The following COX7B2 variants were observed in gnomAD, a reference collection of about 807,000 sequenced individuals.
The protein encoded by COX7B2 is cytochrome c oxidase subunit 7B2, mitochondrial.
For missense variants in COX7B2, 109 were observed against 95.9 expected, an observed-to-expected ratio of 1.14 and a Z score of -0.57; for synonymous variants, 37 against 32.1, an observed-to-expected ratio of 1.15 and a Z score of -0.51.
intron 2 of COX7B2, among the ~76,000 whole-genome samples, chr4:46,762,098 T>C (rs533278918): frequency 6.1e-5 from 9 of 147,866 alleles, no homozygotes; most frequent in Admixed American, 1.4e-4. Flanking sequence ...ATGAAGATAA[T>C]AACACCTATT....
At chr4:46,761,195 A>C (rs1377108075) in intron 2 of COX7B2, among the ~76,000 whole-genome samples, 1 of 152,162 alleles carries the variant, frequency 6.6e-6, no homozygotes, top group African/African-American at 2.4e-5. Context: ...AGCTTTTAAA[A>C]GGATGCTATG....
At chr4:46,744,878 C>T (rs532290627) in intron 2 of COX7B2, among the ~76,000 whole-genome samples, 1 of 151,388 alleles carries the variant, frequency 6.6e-6, no homozygotes, top group Non-Finnish European at 1.5e-5. Context: ...TACAGGCGCA[C>T]GCTGGCACGC....
intron 1 of COX7B2, among the ~76,000 whole-genome samples, chr4:46,903,359 C>A (rs989084415): frequency 6.6e-6 from 1 of 152,090 alleles, no homozygotes; most frequent in Non-Finnish European, 1.5e-5. Context: ...AACAACATTT[C>A]GGTCAATGAT....
intron 2 of COX7B2, among the ~76,000 whole-genome samples, chr4:46,798,194 A>G (rs1185563362): frequency 6.6e-6 from 1 of 152,176 alleles, no homozygotes; most frequent in Non-Finnish European, 1.5e-5. Flanking sequence ...CTAGGAGTCT[A>G]GTGGTATGGG....
chr4:46,771,397 C>T (rs1716869413), intron 2 of COX7B2, among the ~76,000 whole-genome samples: 2 of 152,178 alleles, frequency 1.3e-5, no homozygotes, highest in Admixed American at 1.3e-4. Flanking sequence ...TTATGGAAAA[C>T]ACTATGGAGA....
chr4:46,738,842 C>G (rs1714530326), intron 2 of COX7B2, among the ~76,000 whole-genome samples: 1 of 151,992 alleles, frequency 6.6e-6, no homozygotes, highest in African/African-American at 2.4e-5. Context: ...TTCCCTCATG[C>G]CCATGGCAGT....
At chr4:46,898,705 G>T (rs915052027) in intron 1 of COX7B2, among the ~76,000 whole-genome samples, 1 of 152,070 alleles carries the variant, frequency 6.6e-6, no homozygotes, top group South Asian at 2.1e-4. Flanking sequence ...GATTACAAGC[G>T]TGAGCCACCG....
rs1715231356 is a variant in COX7B2 at position 46,749,671 on chromosome 4, A to C, written c.-49-14430T>G. On this transcript the variant is annotated intron_variant, in intron 2 of 2. Transcript: ENST00000355591. ...GATGTACCTGTCACATAATTATAGA[A>C]GTATAAACCAGAGGGTGTGTTAATT... is the stretch of plus-strand genomic sequence containing the variant. Among the ~76,000 whole-genome samples the C allele has an allele frequency of 3.9e-5, 6 of 152,342 alleles. No individual in the cohort carries two copies. The South Asian group carries it at 1.2e-3, about 32-fold the overall frequency.
chr4:46,840,520 G>C (rs1384218518), intron 2 of COX7B2, among the ~76,000 whole-genome samples: 1 of 151,960 alleles, frequency 6.6e-6, no homozygotes, highest in Non-Finnish European at 1.5e-5. Flanking sequence ...GAGCATACAT[G>C]AAGTCAACTA....
At chr4:46,903,988 A>G (rs1271330977) in intron 1 of COX7B2, 4 of 152,210 alleles carry the variant, frequency 2.6e-5, no homozygotes, top group Non-Finnish European at 5.9e-5. Flanking sequence ...TCCTAGCTAC[A>G]TTGTAAAGAG....
intron 2 of COX7B2, among the ~76,000 whole-genome samples, chr4:46,817,474 A>T (rs1414126319): frequency 6.6e-6 from 1 of 152,190 alleles, no homozygotes; most frequent in Non-Finnish European, 1.5e-5. Flanking sequence ...AATAAACTCA[A>T]ATATAAGCTG....
intron 2 of COX7B2, among the ~76,000 whole-genome samples, chr4:46,776,717 G>A (rs1717173381): frequency 6.6e-6 from 1 of 151,962 alleles, no homozygotes; most frequent in Non-Finnish European, 1.5e-5. Flanking sequence ...AGCTACAGAT[G>A]GAACAATAAG....
At chr4:46,751,231 C>T (rs1249677302) in intron 2 of COX7B2, among the ~76,000 whole-genome samples, 2 of 152,034 alleles carry the variant, frequency 1.3e-5, no homozygotes, top group Non-Finnish European at 2.9e-5. Context: ...GATATTTACA[C>T]TCTCTCATCT....
At chr4:46,743,869 C>A (rs1273714912) in intron 2 of COX7B2, among the ~76,000 whole-genome samples, 1 of 152,156 alleles carries the variant, frequency 6.6e-6, no homozygotes, top group African/African-American at 2.4e-5. Flanking sequence ...TCACTGTACT[C>A]ATTTCCAAAG....
intron 2 of COX7B2, among the ~76,000 whole-genome samples, chr4:46,819,230 C>T (rs1417145947): frequency 6.6e-6 from 1 of 152,072 alleles, no homozygotes; most frequent in Non-Finnish European, 1.5e-5. Flanking sequence ...GACTTCCCAA[C>T]CCACTCTCAT....
intron 1 of COX7B2, among the ~76,000 whole-genome samples, chr4:46,896,246 A>C (rs775305715): frequency 6.6e-5 from 10 of 152,160 alleles, no homozygotes; most frequent in Non-Finnish European, 1.5e-4. Context: ...GAGACTGTCT[A>C]ATGGGGAAAA....
chr4:46,873,676 T>C (rs1321194579), intron 1 of COX7B2, among the ~76,000 whole-genome samples: 1 of 152,236 alleles, frequency 6.6e-6, no homozygotes, highest in Admixed American at 6.5e-5. Context: ...TTACTATTTT[T>C]TTTAATTATT....
chr4:46,839,202 C>T (rs188901667), intron 2 of COX7B2, among the ~76,000 whole-genome samples: 1 of 152,118 alleles, frequency 6.6e-6, no homozygotes, highest in African/African-American at 2.4e-5. Flanking sequence ...AGCCCTCCCT[C>T]ATTGTGAATT....
chr4:46,803,843 TGAAGCTTTCTA>T (rs1272919332), intron 2 of COX7B2, among the ~76,000 whole-genome samples: 6 of 151,794 alleles, frequency 4.0e-5, no homozygotes, highest in African/African-American at 1.5e-4. Flanking sequence ...AAAATCAAAA[TGAAGCTTTCTA>T]GAGCAATCTT....
Sources: allele counts gnomAD v4.1 joint callset (sites outside exome capture counted in the v4.1 genomes callset), GRCh38; gene constraint gnomAD v4.1.1; transcripts MANE v1.5; gene names NCBI Gene and HGNC (gene_info 2026-07-23, HGNC 2026-07-21).